MVB12B: variants seen among roughly 807,000 people sequenced by gnomAD.
The protein encoded by MVB12B is multivesicular body subunit 12B, also known as ESCRT-I complex subunit MVB12B.
Under a neutral mutation model 41.6 loss-of-function variants are expected in MVB12B, and 16 were observed. That is an observed-to-expected ratio of 0.38 (90% CI 0.26 to 0.58). The LOEUF (loss-of-function observed/expected upper bound fraction) is 0.58, where lower values mean the gene tolerates loss of function less well. MVB12B is among the 20% of genes least tolerant of loss of function. MVB12B has a pLI of 0.62. For missense variants in MVB12B, 274 were observed against 380.2 expected, an observed-to-expected ratio of 0.72 and a Z score of 2.32; for synonymous variants, 133 against 139.7, an observed-to-expected ratio of 0.95 and a Z score of 0.34.
At position 126,395,711 on chromosome 9, in the gene MVB12B, G is replaced by T. The variant is rs368771828; in HGVS notation, c.662+14G>T. The T allele has an allele frequency of 6.2e-7, 1 of 1,613,506 alleles. No individual in the cohort carries two copies. Among genetic ancestry groups the T allele is most frequent in the African/African-American group, 1.3e-5 (1 of 74,894 alleles). On this transcript the variant is annotated intron_variant, in intron 6 of 9. Coordinates refer to ENST00000361171, the MANE Select transcript of MVB12B (RefSeq NM_033446.3). This position sits in a 1 kb window ranked among gnomAD's most constrained non-coding sequence, Gnocchi z 4.9. ...CAACCTTCCCAGGTGAGGCCTTGTC[G>T]GGGTGTCTTGCGTTGTCCTGTGGTC...
intron 6 of MVB12B, among the ~76,000 whole-genome samples, chr9:126,409,741 CACAGGTGAGCAGCTGGGA>C (rs1259746466): frequency 6.6e-6 from 1 of 152,216 alleles, no homozygotes; most frequent in African/African-American, 2.4e-5. Context: ...TGGCTGTGTT[CACAGGTGAGCAGCTGGGA>C]AGGGGTTAAG....
At chr9:126,460,498 C>A (rs1251146876) in intron 7 of MVB12B, among the ~76,000 whole-genome samples, 1 of 152,186 alleles carries the variant, frequency 6.6e-6, no homozygotes, top group Non-Finnish European at 1.5e-5. Flanking sequence ...CACTTCCCGT[C>A]TATTGCAGAA....
At chr9:126,501,018 G>C (rs144649128) in intron 9 of MVB12B, among the ~76,000 whole-genome samples, 89 of 152,300 alleles carry the variant, frequency 5.8e-4, no homozygotes, top group Non-Finnish European at 1.1e-3. Context: ...GCCAGGGAAT[G>C]AATTTGCCGC....
rs1215128850 is a variant in MVB12B, at chr9:126,426,060, T to A, written c.757+4112T>A. On this transcript the variant is annotated intron_variant, in intron 7 of 9. Coordinates refer to ENST00000361171, the MANE Select transcript of MVB12B (RefSeq NM_033446.3). The stretch of plus-strand genomic sequence containing the variant: ...AAATCTTTAGTGTTTGTAAATAAAG[T>A]TTTATTGCAACACAGCCATGCCCAG... Among the ~76,000 whole-genome samples the A allele has an allele frequency of 2.6e-5, 4 of 152,204 alleles. No individual in the cohort carries two copies. The East Asian group carries it at 7.7e-4, about 29-fold the overall frequency.
intron 8 of MVB12B, among the ~76,000 whole-genome samples, chr9:126,482,052 A>G (rs1288766535): frequency 1.3e-5 from 2 of 152,206 alleles, no homozygotes; most frequent in African/African-American, 2.4e-5. Flanking sequence ...TCTTTTTATC[A>G]GAGGGACCGA....
chr9:126,502,453 G>A (rs1213669776), intron 9 of MVB12B, among the ~76,000 whole-genome samples: 2 of 152,178 alleles, frequency 1.3e-5, no homozygotes, highest in Admixed American at 6.5e-5. Flanking sequence ...AGCCAGGGTC[G>A]GTTAGGTGAG....
At chr9:126,416,839 C>G (rs1831841172) in intron 6 of MVB12B, among the ~76,000 whole-genome samples, 1 of 152,166 alleles carries the variant, frequency 6.6e-6, no homozygotes, top group South Asian at 2.1e-4. Context: ...GGCTCCATCC[C>G]ACGCTGGGGA....
chr9:126,334,491 C>G (rs1039863571), intron 1 of MVB12B, among the ~76,000 whole-genome samples: 10 of 152,190 alleles, frequency 6.6e-5, no homozygotes, highest in Admixed American at 5.2e-4. Flanking sequence ...GGCAGGGGCC[C>G]CCATTTGCCT....
At chr9:126,338,316 C>T (rs887853100) in intron 1 of MVB12B, among the ~76,000 whole-genome samples, 1 of 152,250 alleles carries the variant, frequency 6.6e-6, no homozygotes, top group African/African-American at 2.4e-5. Context: ...TGAACCTTCT[C>T]CTGGGCCGCC....
At chr9:126,414,184 A>G (rs528637929) in intron 6 of MVB12B, among the ~76,000 whole-genome samples, 15 of 152,350 alleles carry the variant, frequency 9.8e-5, no homozygotes, top group African/African-American at 3.6e-4. Flanking sequence ...GGGCTTTTAT[A>G]TGGAGCTGTC....
chr9:126,387,193 G>A (rs191060537), intron 4 of MVB12B, among the ~76,000 whole-genome samples: 2 of 152,200 alleles, frequency 1.3e-5, no homozygotes, highest in East Asian at 1.9e-4. Context: ...CTGAGGAATC[G>A]GCAGCGTCTT....
At chr9:126,444,865 C>T (rs539416485) in intron 7 of MVB12B, among the ~76,000 whole-genome samples, 1 of 152,248 alleles carries the variant, frequency 6.6e-6, no homozygotes, top group South Asian at 2.1e-4. Context: ...GGAAAACAAT[C>T]CTATAATAAC....
intron 6 of MVB12B, among the ~76,000 whole-genome samples, chr9:126,412,961 A>G (rs1831694870): frequency 6.6e-6 from 1 of 152,176 alleles, no homozygotes; most frequent in African/African-American, 2.4e-5. Context: ...TTAGTATTAT[A>G]TGAAAATTCC....
chr9:126,456,105 G>T (rs190922743), intron 7 of MVB12B, among the ~76,000 whole-genome samples: 9 of 152,032 alleles, frequency 5.9e-5, no homozygotes, highest in Admixed American at 2.0e-4. Context: ...GGACCTGGCT[G>T]GTCTCAAACT....
intron 7 of MVB12B, among the ~76,000 whole-genome samples, chr9:126,453,038 A>G (rs1181960322): frequency 6.6e-6 from 1 of 151,598 alleles, no homozygotes; most frequent in East Asian, 1.9e-4. Flanking sequence ...ACCTTCTTTG[A>G]GCTTCAAGTC....
intron 9 of MVB12B, among the ~76,000 whole-genome samples, chr9:126,494,723 T>G (rs1046814219): frequency 2.0e-5 from 3 of 152,206 alleles, no homozygotes; most frequent in Non-Finnish European, 4.4e-5. Flanking sequence ...GCTCTCATTT[T>G]CCACCCAGTA....
Position 126,506,522 on chromosome 9 carries a change from G to A in MVB12B, c.*3259G>A, listed in dbSNP as rs1447625007. 1 of 152,298 alleles carries A rather than the reference G, an allele frequency of 6.6e-6. No individual in the cohort carries two copies. The highest frequency in any genetic ancestry group is 1.5e-5 in the Non-Finnish European group (1 of 68,068). The allele number at this position is 152,298 out of a possible 1,614,324, so 9.4% of individuals were successfully genotyped here. On this transcript the variant is annotated 3_prime_UTR_variant, in exon 10 of 10. Transcript: ENST00000361171. ...GTGGGCGCAGAGCATGGTCAGGAGT[G>A]GCCTGCCCGTACTCCTCCACCCAGA...
At chr9:126,329,800 G>C (rs1384894181) in intron 1 of MVB12B, among the ~76,000 whole-genome samples, 1 of 152,166 alleles carries the variant, frequency 6.6e-6, no homozygotes, top group Non-Finnish European at 1.5e-5. Flanking sequence ...CTGTGTTGCA[G>C]AGCCTCCTTT....
chr9:126,394,081 G>C (rs915407233), intron 5 of MVB12B, among the ~76,000 whole-genome samples: 1 of 152,218 alleles, frequency 6.6e-6, no homozygotes, highest in South Asian at 2.1e-4. Context: ...AGATCATGTG[G>C]TTAAGAAGGA....
Sources: gnomAD v4.1 joint callset for allele counts (sites outside exome capture counted in the v4.1 genomes callset) on GRCh38, gnomAD v4.1.1 for gene constraint, Gnocchi (gnomAD v3.1) non-coding constraint, MANE v1.5 for transcripts, NCBI Gene and HGNC (gene_info 2026-07-23, HGNC 2026-07-21) for gene names.